Variants in PIBF1 observed in about 807,000 individuals in gnomAD.
The protein encoded by PIBF1 is progesterone-induced-blocking factor 1.
PIBF1 carries 90 observed loss-of-function variants against 112.5 expected under a neutral mutation model. The observed-to-expected ratio is 0.80, with a 90% CI of 0.67 to 0.95. The LOEUF (loss-of-function observed/expected upper bound fraction) is 0.95. PIBF1 is among the 40% of genes least tolerant of loss of function. The pLI is 0.00. For synonymous variants in PIBF1, 301 were observed against 288.6 expected, an observed-to-expected ratio of 1.04 and a Z score of -0.44; for missense variants, 915 against 852.3, an observed-to-expected ratio of 1.07 and a Z score of -0.92.
rs770416039 is a variant in PIBF1, at chr13:72,971,194, GTGTGTGTGTGTA to G, written c.1965-2385_1965-2374del. 4.6e-3 allele frequency among the ~76,000 whole-genome samples: 535 copies of G among 116,268 alleles called. 4 individuals carry two copies. The highest frequency in any genetic ancestry group is 0.012 in the African/African-American group (320 of 27,590). 76.3% of individuals were successfully genotyped at this position (116,268 alleles called of 152,430 possible). A position where few individuals can be genotyped will look rare whatever the true frequency, so the allele number is the denominator to read the frequency against. On this transcript the variant is annotated intron_variant, in intron 15 of 17. Transcript: ENST00000326291. ...TTTGAAACAGAGAGTGAGTGTGTGT[GTGTGTGTGTGTA>G]TGTGTGTGTGTGTGTGTATGCACTG... is the stretch of plus-strand genomic sequence containing the variant.
At position 72,904,433 on chromosome 13, in the gene PIBF1, C is replaced by CTTTT. The variant is rs71099767; in HGVS notation, c.1489-4076_1489-4073dup. 4.7e-3 allele frequency among the ~76,000 whole-genome samples: 173 copies of CTTTT among 36,552 alleles called. 40 individuals are homozygous for CTTTT. The highest frequency in any genetic ancestry group is 0.019 in the South Asian group (11 of 566). 24.0% of individuals were successfully genotyped at this position (36,552 alleles called of 152,430 possible). A position where few individuals can be genotyped will look rare whatever the true frequency, so the allele number is the denominator to read the frequency against. ...ATTTATCCAAAATATCAAAATATTT[C>CTTTT]TTTTTTTTTTTTTTTTTTTTTTTTT... On this transcript the variant is annotated intron_variant, in intron 11 of 17. Coordinates refer to ENST00000326291, the MANE Select transcript of PIBF1 (RefSeq NM_006346.4).
chr13:72,963,676 T>C (rs542872626), intron 14 of PIBF1, among the ~76,000 whole-genome samples: 168 of 152,170 alleles, frequency 1.1e-3, no homozygotes, highest in African/African-American at 3.8e-3. Context: ...ATTTGCAAAT[T>C]ACATATCTAA....
At chr13:72,917,716 T>C (rs2041151123) in intron 13 of PIBF1, among the ~76,000 whole-genome samples, 1 of 152,226 alleles carries the variant, frequency 6.6e-6, no homozygotes, top group Non-Finnish European at 1.5e-5. Context: ...ACCAACCGCT[T>C]ATCAAAAATA....
chr13:73,007,195 T>C (rs1033531310), intron 17 of PIBF1, among the ~76,000 whole-genome samples: 3 of 151,766 alleles, frequency 2.0e-5, no homozygotes, highest in Non-Finnish European at 4.4e-5. Context: ...ATCTTATGGA[T>C]ATAAAGGGAA....
At position 72,835,341 on chromosome 13, in the gene PIBF1, C is replaced by T. The variant is rs752318091; in HGVS notation, c.1196C>T (p.Ser399Phe). 3 of 1,582,710 alleles carry T rather than the reference C, an allele frequency of 1.9e-6. No homozygotes were observed. Among genetic ancestry groups the T allele is most frequent in the East Asian group, 4.6e-5 (2 of 43,230 alleles). Residue 399 changes from serine to phenylalanine, a missense_variant, in exon 9 of 18, where the codon TCT (serine) becomes TTT (phenylalanine). Transcript: ENST00000326291. ...GAAATTGATCAACTTCGAAATGCCT[C>T]TAGGGAAATGTATGAACGAGAAAAC... ...NQEIDQLRNA[S>F]REMYERENRN...
chr13:72,889,810 C>T (rs931901723), intron 10 of PIBF1, among the ~76,000 whole-genome samples: 2 of 152,164 alleles, frequency 1.3e-5, no homozygotes, highest in African/African-American at 4.8e-5. Flanking sequence ...ACATGAACCT[C>T]ACCACTGAGT....
At chr13:72,987,858 A>ATTTATTTATTTATTTATT (rs1345167411) in intron 16 of PIBF1, among the ~76,000 whole-genome samples, 6 of 58,118 alleles carry the variant, frequency 1.0e-4, no homozygotes, top group African/African-American at 5.6e-4. Flanking sequence ...TTATTTATTT[A>ATTTATTTATTTATTTATT]TTTTTTTTTT....
intron 9 of PIBF1, among the ~76,000 whole-genome samples, chr13:72,847,912 G>C (rs1369049112): frequency 2.0e-5 from 3 of 152,224 alleles, no homozygotes; most frequent in Non-Finnish European, 4.4e-5. Flanking sequence ...GGAAGACGCT[G>C]GAGGTAGAGA....
chr13:72,905,302 G>A (rs1021712641), intron 11 of PIBF1, among the ~76,000 whole-genome samples: 4 of 151,930 alleles, frequency 2.6e-5, no homozygotes, highest in Non-Finnish European at 4.4e-5. Context: ...TGCTGACCTC[G>A]TGATCCGCAC....
intron 10 of PIBF1, among the ~76,000 whole-genome samples, chr13:72,882,199 G>A (rs2039670648): frequency 6.6e-6 from 1 of 152,128 alleles, no homozygotes; most frequent in African/African-American, 2.4e-5. Flanking sequence ...GGAAAGGACA[G>A]TCTCTTCTAT....
At chr13:72,924,367 C>T (rs933889824) in intron 13 of PIBF1, among the ~76,000 whole-genome samples, 2 of 151,820 alleles carry the variant, frequency 1.3e-5, no homozygotes, top group Admixed American at 6.6e-5. Flanking sequence ...GCTGCAACTT[C>T]GGAGTATGGT....
chr13:72,901,981 TAAAG>T (rs1482428134), intron 11 of PIBF1, among the ~76,000 whole-genome samples: 7 of 151,602 alleles, frequency 4.6e-5, no homozygotes, highest in East Asian at 3.9e-4. Context: ...ATCGAATGGA[TAAAG>T]AAACTGTAGT....
chr13:72,853,703 C>A (rs1237020519), intron 9 of PIBF1, among the ~76,000 whole-genome samples: 1 of 152,138 alleles, frequency 6.6e-6, no homozygotes, highest in Non-Finnish European at 1.5e-5. Context: ...TTTTATGGGA[C>A]ATTTATTAAC....
At chr13:72,957,085 C>T (rs2042467445) in intron 14 of PIBF1, among the ~76,000 whole-genome samples, 1 of 152,072 alleles carries the variant, frequency 6.6e-6, no homozygotes, top group Admixed American at 6.6e-5. Flanking sequence ...ACTAGTACAA[C>T]CAATATGGAA....
chr13:72,946,413 A>G (rs892076527), intron 14 of PIBF1, among the ~76,000 whole-genome samples: 2 of 152,114 alleles, frequency 1.3e-5, no homozygotes, highest in Admixed American at 1.3e-4. Context: ...CTGGATGGGG[A>G]CACAAAACCT....
At chr13:72,971,341 T>C (rs755224134) in intron 15 of PIBF1, among the ~76,000 whole-genome samples, 7 of 152,152 alleles carry the variant, frequency 4.6e-5, no homozygotes, top group Admixed American at 2.0e-4. Flanking sequence ...GATATTTAAA[T>C]TTGAAAAATA....
chr13:72,991,134 A>G (rs1332443506), intron 16 of PIBF1, among the ~76,000 whole-genome samples: 1 of 152,206 alleles, frequency 6.6e-6, no homozygotes, highest in Non-Finnish European at 1.5e-5. Context: ...GGCATCAACT[A>G]TGCAATACTG....
chr13:72,866,071 ATTCCTTGGC>A (rs1259781619), intron 10 of PIBF1, among the ~76,000 whole-genome samples: 2 of 152,106 alleles, frequency 1.3e-5, no homozygotes, highest in African/African-American at 2.4e-5. Context: ...GCCTCCAGGC[ATTCCTTGGC>A]TTCCTTGGCT....
At chr13:72,937,353 A>G (rs781160240) in intron 14 of PIBF1, among the ~76,000 whole-genome samples, 3 of 152,184 alleles carry the variant, frequency 2.0e-5, no homozygotes, top group Non-Finnish European at 2.9e-5. Flanking sequence ...GTGTATATGT[A>G]TCTTTAACTT....
Sources: allele counts gnomAD v4.1 joint callset (sites outside exome capture counted in the v4.1 genomes callset), GRCh38; gene constraint gnomAD v4.1.1; transcripts MANE v1.5; gene names NCBI Gene and HGNC (gene_info 2026-07-23, HGNC 2026-07-21).